Variants in ZBTB8A observed in about 807,000 individuals in gnomAD.
The protein encoded by ZBTB8A is zinc finger and BTB domain containing 8A.
A neutral mutation model predicts 37.8 loss-of-function variants in ZBTB8A; 19 were observed. That is an observed-to-expected ratio of 0.50 (90% confidence interval 0.35 to 0.74). The LOEUF (loss-of-function observed/expected upper bound fraction) is 0.74. Ranked by LOEUF, ZBTB8A falls within the 30% of genes least tolerant of loss-of-function variation. ZBTB8A has a pLI of 0.01. For missense variants in ZBTB8A, 394 were observed against 537.8 expected (o/e 0.73, Z 2.65); for synonymous variants, 181 against 185.2 (o/e 0.98, Z 0.19).
chr1:32,570,492 G>A (rs750687684), intron 2 of ZBTB8A, among the ~76,000 whole-genome samples: 1 of 152,102 alleles, frequency 6.6e-6, no homozygotes, highest in Non-Finnish European at 1.5e-5. Flanking sequence ...AATCCTGTAC[G>A]TCCACTTGAA....
chr1:32,568,291 CT>C (rs1205637611), intron 2 of ZBTB8A, among the ~76,000 whole-genome samples: 2 of 151,902 alleles, frequency 1.3e-5, no homozygotes, highest in Non-Finnish European at 2.9e-5. Context: ...TCCCTCATGC[CT>C]TTTTTTTCTT....
chr1:32,585,743 C>A (rs1644442884), intron 2 of ZBTB8A, among the ~76,000 whole-genome samples: 1 of 152,162 alleles, frequency 6.6e-6, no homozygotes. Flanking sequence ...GGCTCAACAC[C>A]TGTAATCCCA....
At chr1:32,590,342 T>C (rs1358489338) in intron 2 of ZBTB8A, among the ~76,000 whole-genome samples, 2 of 151,826 alleles carry the variant, frequency 1.3e-5, no homozygotes, top group African/African-American at 4.8e-5. Flanking sequence ...ACCTAAGGCC[T>C]TTTTTTTCCC....
chr1:32,600,447 T>C lies in ZBTB8A; in HGVS notation c.*28T>C. 2 of 1,532,140 alleles carry C rather than the reference T, an allele frequency of 1.3e-6. No individual in the cohort carries two copies. Among genetic ancestry groups the C allele is most frequent in the Middle Eastern group, 1.7e-4 (1 of 5,816 alleles). 94.9% of individuals were successfully genotyped at this position (1,532,140 alleles called of 1,614,324 possible). A position where few individuals can be genotyped will look rare whatever the true frequency, so the allele number is the denominator to read the frequency against. ...GTAATGTGAACCAACAGAGCTGGCA[T>C]GTCTGCAATTTACATTGACTTCCTG... On this transcript the variant is annotated 3_prime_UTR_variant, in exon 5 of 5. Coordinates refer to ENST00000373510, the MANE Select transcript of ZBTB8A (RefSeq NM_001040441.3).
intron 2 of ZBTB8A, 40 bp from the exon 3 acceptor site, chr1:32,592,891 A>G (rs1334693777): frequency 6.7e-7 from 1 of 1,485,414 alleles, no homozygotes; most frequent in Non-Finnish European, 9.1e-7. Context: ...AATAATTGTA[A>G]TGTAGGTTTT....
rs1557722421 is a variant in ZBTB8A at position 32,604,070 on chromosome 1, T to G, written c.*3651T>G. On this transcript the variant is annotated 3_prime_UTR_variant, in exon 5 of 5. Transcript: ENST00000373510. ...GCTTTATTTATGCCAAGGATTTTTTTTTTAATATCAAGACTTGGTTAGACC... is the reference window on the plus strand; with the variant it reads ...GCTTTATTTATGCCAAGGATTTTTTGTTTAATATCAAGACTTGGTTAGACC... 1 of 152,180 alleles carries G rather than the reference T, an allele frequency of 6.6e-6. No individual in the cohort carries two copies. The highest frequency in any genetic ancestry group is 2.4e-5 in the African/African-American group (1 of 41,432). The allele number at this position is 152,180 out of a possible 1,614,324, so 9.4% of individuals were successfully genotyped here.
rs1009943089 is a variant in ZBTB8A at position 32,566,076 on chromosome 1, C to T, written c.-2+12536C>T. 2.6e-5 allele frequency among the ~76,000 whole-genome samples: 4 copies of T among 152,086 alleles called. No individual in the cohort carries two copies. In the South Asian group the frequency reaches 6.2e-4, roughly 24 times the overall value. The stretch of plus-strand genomic sequence containing the variant: ...AATTAGCCAGGCGTGGTGGCGGGCA[C>T]CTGTAGTCCCAGCTACTTGGGAGGC... On this transcript the variant is annotated intron_variant, in intron 2 of 4. Coordinates refer to ENST00000373510, the MANE Select transcript of ZBTB8A (RefSeq NM_001040441.3).
chr1:32,596,036 GC>G (rs1644527578), intron 4 of ZBTB8A, among the ~76,000 whole-genome samples: 1 of 152,036 alleles, frequency 6.6e-6, no homozygotes, highest in African/African-American at 2.4e-5. Flanking sequence ...ACTTCGGGAG[GC>G]CAAGGCGGGC....
At chr1:32,589,066 A>T (rs932805267) in intron 2 of ZBTB8A, among the ~76,000 whole-genome samples, 1 of 152,138 alleles carries the variant, frequency 6.6e-6, no homozygotes, top group Non-Finnish European at 1.5e-5. Context: ...AGACATGGAG[A>T]CAGCAAATAC....
At chr1:32,589,114 G>C (rs1013958762) in intron 2 of ZBTB8A, among the ~76,000 whole-genome samples, 5 of 152,086 alleles carry the variant, frequency 3.3e-5, no homozygotes, top group African/African-American at 1.2e-4. Context: ...TGAATTTTGT[G>C]TAAAGGGAGT....
chr1:32,590,949 A>C (rs1235345926), intron 2 of ZBTB8A, among the ~76,000 whole-genome samples: 2 of 151,764 alleles, frequency 1.3e-5, no homozygotes, highest in African/African-American at 4.9e-5. Context: ...GCTGGAGTGC[A>C]GTGGTGCAAT....
intron 1 of ZBTB8A, among the ~76,000 whole-genome samples, chr1:32,551,388 T>C (rs533895323): frequency 6.6e-5 from 10 of 152,030 alleles, no homozygotes; most frequent in Non-Finnish European, 1.0e-4. Flanking sequence ...CACCACTGCA[T>C]TCCAGCCTGA....
intron 2 of ZBTB8A, among the ~76,000 whole-genome samples, chr1:32,563,086 T>G (rs1270611128): frequency 6.6e-6 from 1 of 152,172 alleles, no homozygotes; most frequent in East Asian, 1.9e-4. Flanking sequence ...ACAAGGTACT[T>G]TATTGTTTTA....
chr1:32,565,504 A>G (rs185624622), intron 2 of ZBTB8A, among the ~76,000 whole-genome samples: 1 of 152,050 alleles, frequency 6.6e-6, no homozygotes, highest in Non-Finnish European at 1.5e-5. Flanking sequence ...ATAATTAAAA[A>G]ATTAGCTGGG....
intron 2 of ZBTB8A, among the ~76,000 whole-genome samples, chr1:32,569,764 T>G (rs571530706): frequency 6.6e-6 from 1 of 151,222 alleles, no homozygotes; most frequent in East Asian, 1.9e-4. Flanking sequence ...CTTTTTCTTA[T>G]AGTTCATGCT....
At chr1:32,592,823 C>A in intron 2 of ZBTB8A, 108 bp from the exon 3 acceptor site, 2 of 901,426 alleles carry the variant, frequency 2.2e-6, no homozygotes, top group Non-Finnish European at 1.7e-6. Flanking sequence ...GAGCTTTGAT[C>A]ACACCACTGC....
chr1:32,551,044 G>A (rs72652159), intron 1 of ZBTB8A, among the ~76,000 whole-genome samples: 17,250 of 151,774 alleles, frequency 0.11, 1,075 homozygotes, highest in African/African-American at 0.18. Flanking sequence ...TGGCAGTGTT[G>A]AAGCAGTGAA....
At chr1:32,546,821 CT>C (rs1644107977) in intron 1 of ZBTB8A, among the ~76,000 whole-genome samples, 1 of 152,178 alleles carries the variant, frequency 6.6e-6, no homozygotes, top group African/African-American at 2.4e-5. Flanking sequence ...CTTATATCAC[CT>C]TCAGTTCCCT....
At position 32,560,615 on chromosome 1, in the gene ZBTB8A, CTTTTTT is replaced by C. The variant is rs1170510859; in HGVS notation, c.-2+7094_-2+7099del. Among the ~76,000 whole-genome samples, 31 of 90,790 alleles carry C rather than the reference CTTTTTT, an allele frequency of 3.4e-4. 1 individual carries two copies. The highest frequency in any genetic ancestry group is 1.0e-3 in the African/African-American group (23 of 22,212). The allele number at this position is 90,790 out of a possible 152,430, so 59.6% of individuals were successfully genotyped here. On this transcript the variant is annotated intron_variant, in intron 2 of 4. Coordinates refer to ENST00000373510, the MANE Select transcript of ZBTB8A (RefSeq NM_001040441.3). ...CTTTCTTTTTTCTTTTCTTTTCTTTCTTTTTTTTTTTTTTTTTTTTTTTTGAGATGT... is the reference window on the plus strand; with the variant it reads ...CTTTCTTTTTTCTTTTCTTTTCTTTCTTTTTTTTTTTTTTTTTTGAGATGT...
Sources: allele counts gnomAD v4.1 joint callset (sites outside exome capture counted in the v4.1 genomes callset), GRCh38; gene constraint gnomAD v4.1.1; transcripts MANE v1.5; gene names NCBI Gene and HGNC (gene_info 2026-07-23, HGNC 2026-07-21).